The following EFCAB3 variants were observed in gnomAD, a reference collection of about 807,000 sequenced individuals.
EFCAB3 encodes EF-hand calcium-binding domain-containing protein 3.
EFCAB3 carries 36 observed loss-of-function variants against 42.2 expected under a neutral mutation model. The observed-to-expected ratio is 0.85, with a 90% CI of 0.65 to 1.13. The LOEUF is 1.13. EFCAB3 is among the 50% of genes most tolerant of loss of function. EFCAB3 has a pLI of 0.00. For missense variants in EFCAB3, 418 were observed against 505.1 expected, an observed-to-expected ratio of 0.83 and a Z score of 1.65; for synonymous variants, 170 against 172.8, an observed-to-expected ratio of 0.98 and a Z score of 0.13.
At chr17:62,384,392 T>G (rs191609226) in intron 2 of EFCAB3, among the ~76,000 whole-genome samples, 25 of 152,310 alleles carry the variant, frequency 1.6e-4, no homozygotes, top group African/African-American at 5.3e-4. Flanking sequence ...TCCCAGCACT[T>G]TGAGAGGCTG....
chr17:62,384,859 T>C, intron 2 of EFCAB3, among the ~76,000 whole-genome samples: 1 of 152,178 alleles, frequency 6.6e-6, no homozygotes, highest in Non-Finnish European at 1.5e-5. Flanking sequence ...AACTGTTCTG[T>C]TTTTCACTTT....
At chr17:62,378,241 AT>A (rs2070166059), upstream of EFCAB3, among the ~76,000 whole-genome samples, 1 of 152,194 alleles carries the variant, frequency 6.6e-6, no homozygotes, top group Non-Finnish European at 1.5e-5. Flanking sequence ...ATTATCAGGT[AT>A]TTTATATTCT....
At chr17:62,394,320 A>T (rs1008370547) in intron 5 of EFCAB3, among the ~76,000 whole-genome samples, 1 of 152,172 alleles carries the variant, frequency 6.6e-6, no homozygotes, top group Non-Finnish European at 1.5e-5. Context: ...TTTAAAAAAA[A>T]TTTATGTTTC....
chr17:62,415,993 C>G lies in EFCAB3; in HGVS notation c.991-10C>G, dbSNP rs758441418. 3 of 1,590,910 alleles carry G rather than the reference C, an allele frequency of 1.9e-6. No homozygotes were observed. The highest frequency in any genetic ancestry group is 2.3e-5 in the South Asian group (2 of 87,314). On this transcript the variant is annotated splice_polypyrimidine_tract_variant and intron_variant, in intron 9 of 9. Transcript: ENST00000305286. ...GGTAACTACAATAAACTTCTGGTCT[C>G]TCACTGCAGGTGAAGAGAGCTACTG...
chr17:62,390,860 T>G (rs556472878), intron 3 of EFCAB3, among the ~76,000 whole-genome samples: 152 of 152,322 alleles, frequency 1.0e-3, no homozygotes, highest in African/African-American at 3.5e-3. Context: ...TTTATTCGGG[T>G]GTCATTTGGG....
chr17:62,380,004 T>G (rs1464887216), upstream of EFCAB3, among the ~76,000 whole-genome samples: 1 of 152,138 alleles, frequency 6.6e-6, no homozygotes, highest in African/African-American at 2.4e-5. Context: ...TGATGAAGAC[T>G]TTCTCTTTTT....
intron 6 of EFCAB3, among the ~76,000 whole-genome samples, chr17:62,396,350 C>T (rs1007363661): frequency 3.9e-5 from 6 of 151,964 alleles, no homozygotes; most frequent in Non-Finnish European, 8.8e-5. Flanking sequence ...GTCAGGAATT[C>T]GAGACCAGCC....
In EFCAB3 at chr17:62,395,153, A is replaced by G; in HGVS notation, c.453A>G (p.Ser151=). Residue 151 remains serine (S), a synonymous_variant, in exon 6 of 10, where the codon TCA becomes TCG. Transcript: ENST00000305286. Reference sequence around the variant, plus strand: ...TCCTATCAAGGCTTCTAGAGACTTCAGCCCTACCCAGAAAGTCTATAATAG... The same window carrying G: ...TCCTATCAAGGCTTCTAGAGACTTCGGCCCTACCCAGAAAGTCTATAATAG... ...FEILSRLLET[S]ALPRKSIIEI... The G allele has an allele frequency of 6.2e-7, 1 of 1,614,058 alleles. No homozygotes were observed. The highest frequency in any genetic ancestry group is 8.5e-7 in the Non-Finnish European group (1 of 1,180,004).
intron 2 of EFCAB3, among the ~76,000 whole-genome samples, chr17:62,384,329 A>G (rs1050042668): frequency 2.0e-5 from 3 of 152,362 alleles, no homozygotes; most frequent in Admixed American, 6.5e-5. Context: ...TTTTAAAGAC[A>G]GATAATAAGA....
chr17:62,401,451 G>C (rs967358426), intron 6 of EFCAB3, among the ~76,000 whole-genome samples: 3 of 152,088 alleles, frequency 2.0e-5, no homozygotes, highest in Non-Finnish European at 2.9e-5. Flanking sequence ...CATCCTTCTT[G>C]AATTAATTTT....
Position 62,393,657 on chromosome 17 carries a change from G to T in EFCAB3, c.367+13G>T. The T allele has an allele frequency of 6.2e-7, 1 of 1,611,584 alleles. No homozygotes were observed. Among genetic ancestry groups the T allele is most frequent in the Non-Finnish European group, 8.5e-7 (1 of 1,177,986 alleles). ...CTCAAGGCAGTGGGTGAGTAGAGATGTTATGAACAGAAGGCAGTTGGGCAG... is the reference window on the plus strand; with the variant it reads ...CTCAAGGCAGTGGGTGAGTAGAGATTTTATGAACAGAAGGCAGTTGGGCAG... On this transcript the variant is annotated intron_variant, in intron 5 of 9. Transcript: ENST00000305286.
At chr17:62,378,054 A>G, upstream of EFCAB3, 1 of 1,507,902 alleles carries the variant, frequency 6.6e-7, no homozygotes, top group Non-Finnish European at 9.0e-7. Context: ...CATTGTAAAG[A>G]TGGGGCTTAA....
At chr17:62,398,383 G>A (rs1471329888) in intron 6 of EFCAB3, among the ~76,000 whole-genome samples, 1 of 151,994 alleles carries the variant, frequency 6.6e-6, no homozygotes, top group Non-Finnish European at 1.5e-5. Flanking sequence ...GAATCTGGGA[G>A]GTAGAGGTTG....
chr17:62,405,565 C>A (rs2070440436), intron 6 of EFCAB3, among the ~76,000 whole-genome samples: 1 of 152,238 alleles, frequency 6.6e-6, no homozygotes, highest in Non-Finnish European at 1.5e-5. Flanking sequence ...AGAAGCAAGT[C>A]CTTCCACCTC....
At chr17:62,389,500 C>T (rs1425183374) in intron 3 of EFCAB3, among the ~76,000 whole-genome samples, 2 of 152,160 alleles carry the variant, frequency 1.3e-5, no homozygotes, top group African/African-American at 4.8e-5. Context: ...CACAACTTTC[C>T]TATGAGAGGT....
chr17:62,392,382 T>C (rs1292667862), intron 4 of EFCAB3, among the ~76,000 whole-genome samples: 1 of 151,844 alleles, frequency 6.6e-6, no homozygotes, highest in Non-Finnish European at 1.5e-5. Flanking sequence ...AAATTAATCC[T>C]AGAAAATGGA....
chr17:62,411,811 AG>A (rs1379498610), intron 8 of EFCAB3, among the ~76,000 whole-genome samples: 8 of 118,068 alleles, frequency 6.8e-5, no homozygotes, highest in Non-Finnish European at 1.4e-4. Context: ...GGAGGGAGGG[AG>A]GGAGGGAGGG....
At chr17:62,385,929 A>G (rs528948332) in intron 2 of EFCAB3, among the ~76,000 whole-genome samples, 30 of 148,932 alleles carry the variant, frequency 2.0e-4, no homozygotes, top group Admixed American at 3.4e-4. Flanking sequence ...GGGTTTCACC[A>G]TGTTAGCCAG....
intron 3 of EFCAB3, among the ~76,000 whole-genome samples, chr17:62,388,320 A>G (rs2070273418): frequency 1.3e-5 from 2 of 152,186 alleles, no homozygotes; most frequent in African/African-American, 4.8e-5. Context: ...AAAGCCTCCT[A>G]ATTTGGTCTT....
Sources: allele counts gnomAD v4.1 joint callset (sites outside exome capture counted in the v4.1 genomes callset), GRCh38; gene constraint gnomAD v4.1.1; transcripts MANE v1.5; gene names NCBI Gene and HGNC (gene_info 2026-07-23, HGNC 2026-07-21).